The following DPP10 variants were observed in gnomAD, a reference collection of about 807,000 sequenced individuals.
DPP10 encodes the protein dipeptidyl peptidase like 10.
Under a neutral mutation model 120.9 loss-of-function variants are expected in DPP10, and 33 were observed. That is an observed-to-expected ratio of 0.27 (90% CI 0.21 to 0.37). DPP10 has a LOEUF of 0.37. DPP10 is among the 10% of genes least tolerant of loss of function. DPP10 has a pLI of 1.00. For missense variants in DPP10, 816 were observed against 942.8 expected, an observed-to-expected ratio of 0.87 and a Z score of 1.76; for synonymous variants, 337 against 326.1, an observed-to-expected ratio of 1.03 and a Z score of -0.36.
chr2:115,018,196 A>C lies in DPP10; in HGVS notation c.61-291043A>C, dbSNP rs1024812735. ...CCAGTTAGAATGGCGATCATTAAAAAGTTAGGGAACAACAGATGCTGGAGA... is the reference window on the plus strand; with the variant it reads ...CCAGTTAGAATGGCGATCATTAAAACGTTAGGGAACAACAGATGCTGGAGA... On this transcript the variant is annotated intron_variant, in intron 1 of 25. Coordinates refer to ENST00000410059, the MANE Select transcript of DPP10 (RefSeq NM_020868.6). Among the ~76,000 whole-genome samples, 4 of 152,340 alleles carry C rather than the reference A, an allele frequency of 2.6e-5. No individual in the cohort carries two copies. The East Asian group carries it at 7.7e-4, about 29-fold the overall frequency.
rs371672956 is a variant in DPP10 at position 114,447,678 on chromosome 2, C to T, written c.60+4840C>T. On this transcript the variant is annotated intron_variant, in intron 1 of 25. Transcript: ENST00000410059. ...ATTATCGACTCAACATAGATTCATA[C>T]ACACTAAAGAAAGAGTTACCACTGG... 5.4e-4 allele frequency among the ~76,000 whole-genome samples: 82 copies of T among 152,240 alleles called. No individual in the cohort carries two copies. The South Asian group carries it at 0.017, about 31-fold the overall frequency.
intron 1 of DPP10, chr2:115,161,942 C>T (rs2052404451): frequency 1.4e-6 from 2 of 1,440,320 alleles, no homozygotes; most frequent in African/African-American, 3.0e-5. Flanking sequence ...CGAGCGCCAG[C>T]GCGGGCCGCC....
intron 1 of DPP10, among the ~76,000 whole-genome samples, chr2:115,196,082 T>G (rs1038245362): frequency 6.6e-6 from 1 of 152,182 alleles, no homozygotes; most frequent in Non-Finnish European, 1.5e-5. Flanking sequence ...TGAAGTGTCC[T>G]TTTTTTCCCA....
intron 3 of DPP10, among the ~76,000 whole-genome samples, chr2:115,450,410 C>G (rs954909179): frequency 1.4e-4 from 22 of 152,008 alleles, no homozygotes; most frequent in African/African-American, 5.1e-4. Flanking sequence ...GTATATGACA[C>G]TTACCTGCAG....
At chr2:115,328,855 A>G (rs1354034998) in intron 2 of DPP10, among the ~76,000 whole-genome samples, 1 of 152,074 alleles carries the variant, frequency 6.6e-6, no homozygotes, top group Non-Finnish European at 1.5e-5. Context: ...GCATAAATAA[A>G]TGGAGTGATC....
intron 19 of DPP10, among the ~76,000 whole-genome samples, chr2:115,809,060 G>A (rs6721255): frequency 0.41 from 62,396 of 152,020 alleles, 15,195 homozygotes; most frequent in East Asian, 0.67. Flanking sequence ...GAAGAAGATG[G>A]GAATGTGGAC....
intron 1 of DPP10, among the ~76,000 whole-genome samples, chr2:114,494,826 CA>C (rs1334157683): frequency 6.6e-6 from 1 of 151,970 alleles, no homozygotes; most frequent in African/African-American, 2.4e-5. Flanking sequence ...CAACATACTC[CA>C]AAAGGTTTGG....
intron 1 of DPP10, among the ~76,000 whole-genome samples, chr2:114,675,924 A>G (rs992560330): frequency 1.3e-5 from 2 of 151,796 alleles, no homozygotes; most frequent in African/African-American, 4.8e-5. Flanking sequence ...CTCAGCCTCC[A>G]GAGTAGCTGG....
intron 1 of DPP10, among the ~76,000 whole-genome samples, chr2:115,108,743 C>T (rs1453518851): frequency 6.6e-6 from 1 of 152,134 alleles, no homozygotes; most frequent in Non-Finnish European, 1.5e-5. Context: ...AATCATTTAC[C>T]TGCTTGCAGG....
At chr2:115,767,584 G>GTATA (rs113660067) in intron 12 of DPP10, among the ~76,000 whole-genome samples, 6 of 150,954 alleles carry the variant, frequency 4.0e-5, no homozygotes, top group African/African-American at 4.9e-5. Context: ...GTGTGTGTGT[G>GTATA]TATATATATA....
At chr2:114,668,289 A>C (rs1326857697) in intron 1 of DPP10, among the ~76,000 whole-genome samples, 1 of 152,176 alleles carries the variant, frequency 6.6e-6, no homozygotes, top group African/African-American at 2.4e-5. Context: ...TAAATGCCAA[A>C]GTTTAAAAAT....
chr2:114,653,027 A>AGTGTGTGTGTGTGTGTGTGTGT (rs10528455), intron 1 of DPP10, among the ~76,000 whole-genome samples: 22 of 135,848 alleles, frequency 1.6e-4, no homozygotes, highest in African/African-American at 6.8e-4. Context: ...AGAGAGAGAG[A>AGTGTGTGTGTGTGTGTGTGTGT]GTGTGTGTGT....
chr2:115,800,230 CT>C (rs1322839240), intron 19 of DPP10, among the ~76,000 whole-genome samples: 2 of 151,710 alleles, frequency 1.3e-5, no homozygotes, highest in Non-Finnish European at 2.9e-5. Context: ...GCATAAATGT[CT>C]TTTTTTGAGA....
chr2:114,829,996 G>C (rs1686943778), intron 1 of DPP10, among the ~76,000 whole-genome samples: 1 of 151,944 alleles, frequency 6.6e-6, no homozygotes, highest in African/African-American at 2.4e-5. Context: ...CTGCTGCCCT[G>C]GGCCTACTGA....
At chr2:115,655,771 TTTAATTTTTGAA>T (rs2088258592) in intron 5 of DPP10, among the ~76,000 whole-genome samples, 1 of 151,588 alleles carries the variant, frequency 6.6e-6, no homozygotes, top group Non-Finnish European at 1.5e-5. Flanking sequence ...CTGAATTGAT[TTTAATTTTTGAA>T]GAATTATCAT....
intron 1 of DPP10, among the ~76,000 whole-genome samples, chr2:115,188,380 T>G (rs548440531): frequency 6.6e-6 from 1 of 152,280 alleles, no homozygotes; most frequent in East Asian, 1.9e-4. Context: ...TAACTGGATC[T>G]TTCTGTATAA....
intron 3 of DPP10, among the ~76,000 whole-genome samples, chr2:115,385,320 A>T (rs536554260): frequency 1.1e-4 from 16 of 150,808 alleles, no homozygotes; most frequent in African/African-American, 3.4e-4. Context: ...CGTTAGACCA[A>T]TCCCTTTTGT....
chr2:115,647,821 T>A (rs983550753), intron 5 of DPP10, among the ~76,000 whole-genome samples: 2 of 152,066 alleles, frequency 1.3e-5, no homozygotes, highest in African/African-American at 4.8e-5. Context: ...TTAATTCCAT[T>A]CATGAGGCAA....
chr2:114,601,686 T>C (rs971733941), intron 1 of DPP10, among the ~76,000 whole-genome samples: 1 of 152,018 alleles, frequency 6.6e-6, no homozygotes, highest in African/African-American at 2.4e-5. Flanking sequence ...GGTTAAGCTC[T>C]TGGCTATGTT....
Sources: allele counts gnomAD v4.1 joint callset (sites outside exome capture counted in the v4.1 genomes callset), GRCh38; gene constraint gnomAD v4.1.1; transcripts MANE v1.5; gene names NCBI Gene and HGNC (gene_info 2026-07-23, HGNC 2026-07-21).